The following FAM178B variants were observed in gnomAD, a reference collection of about 807,000 sequenced individuals.
FAM178B encodes the protein protein FAM178B.
In FAM178B, 82 loss-of-function variants were observed where a neutral mutation model predicts 91.7. The observed-to-expected ratio is 0.89, with a 90% confidence interval of 0.75 to 1.07. FAM178B has a LOEUF of 1.07. FAM178B is among the 50% of genes least tolerant of loss of function. FAM178B has a pLI of 0.00. For missense variants in FAM178B, 769 were observed against 846.7 expected (o/e 0.91, Z 1.14); for synonymous variants, 368 against 359.4 (o/e 1.02, Z -0.27).
In FAM178B at chr2:96,951,391, CTG is replaced by C; in HGVS notation, c.979_980del (p.Gln327ValfsTer33). ...CTGCGGTCCTCACCTGGAACAGCCA[CTG>C]GAGCAGGGATACCGGGCAGTCAGGC... ...HMPDCPVSLL[Q>X]WLFQLLTWPP... On this transcript the variant is annotated frameshift_variant, in exon 7 of 17. Coordinates refer to ENST00000490605, the MANE Select transcript of FAM178B (RefSeq NM_001122646.3). LOFTEE classifies it high-confidence loss of function. 1 of 1,551,218 alleles carries C rather than the reference CTG, an allele frequency of 6.4e-7. No individual in the cohort carries two copies. Among genetic ancestry groups the C allele is most frequent in the Non-Finnish European group, 8.7e-7 (1 of 1,146,656 alleles).
chr2:96,964,533 T>C lies in FAM178B; in HGVS notation c.734+2987A>G, dbSNP rs562305685. On this transcript the variant is annotated intron_variant, in intron 5 of 16. Coordinates refer to ENST00000490605, the MANE Select transcript of FAM178B (RefSeq NM_001122646.3). ...ACACAGCTGGGGCCACCTCCTCCCC[T>C]GCAGCCCAATGCACATGTTCTTCAA... 5.0e-4 allele frequency among the ~76,000 whole-genome samples: 76 copies of C among 152,302 alleles called. 1 individual carries two copies. The highest frequency in any genetic ancestry group is 4.3e-3 in the Admixed American group (66 of 15,294).
intron 13 of FAM178B, among the ~76,000 whole-genome samples, chr2:96,900,495 AG>A (rs1357118292): frequency 6.6e-6 from 1 of 152,108 alleles, no homozygotes; most frequent in Non-Finnish European, 1.5e-5. Context: ...CCTGTTCTTC[AG>A]GGGCTTATTT....
At chr2:96,888,643 A>T (rs952323911) in intron 14 of FAM178B, among the ~76,000 whole-genome samples, 4 of 152,254 alleles carry the variant, frequency 2.6e-5, no homozygotes, top group Non-Finnish European at 5.9e-5. Context: ...AGGGACAGAC[A>T]ACTGCAGTTA....
At chr2:96,963,243 G>A (rs2082105182) in intron 5 of FAM178B, among the ~76,000 whole-genome samples, 1 of 152,194 alleles carries the variant, frequency 6.6e-6, no homozygotes, top group African/African-American at 2.4e-5. Context: ...TTGCTGCAGA[G>A]ATTTTTAAAA....
At chr2:96,965,048 G>A (rs1003421819) in intron 5 of FAM178B, among the ~76,000 whole-genome samples, 3 of 152,146 alleles carry the variant, frequency 2.0e-5, no homozygotes, top group Admixed American at 2.0e-4. Context: ...CGCCCAGGCT[G>A]GAGTGAGGTG....
intron 13 of FAM178B, chr2:96,895,134 G>A (rs1357224303): frequency 3.1e-6 from 4 of 1,286,862 alleles, no homozygotes; most frequent in African/African-American, 3.0e-5. Flanking sequence ...TCCCCTTCCC[G>A]CTCTTTTCCT....
intron 12 of FAM178B, among the ~76,000 whole-genome samples, chr2:96,913,681 G>C (rs1345724208): frequency 6.6e-6 from 1 of 152,216 alleles, no homozygotes; most frequent in East Asian, 1.9e-4. Flanking sequence ...CACAGAACCT[G>C]CTTGGCTGGC....
intron 14 of FAM178B, among the ~76,000 whole-genome samples, chr2:96,881,847 A>G (rs2080393414): frequency 6.6e-6 from 1 of 152,090 alleles, no homozygotes; most frequent in Admixed American, 6.5e-5. Flanking sequence ...ACATTTTATA[A>G]GTTGTTTTTC....
Position 96,918,855 on chromosome 2 carries a change from C to T in FAM178B, c.1562+2310G>A, listed in dbSNP as rs74565621. 5.7e-3 allele frequency among the ~76,000 whole-genome samples: 866 copies of T among 152,260 alleles called. 12 individuals carry two copies. Among genetic ancestry groups the T allele is most frequent in the African/African-American group, 0.02 (829 of 41,544 alleles). On this transcript the variant is annotated intron_variant, in intron 12 of 16. Transcript: ENST00000490605. ...AACCGGTTTATGTTATCTATAGATT[C>T]CAGACATTACACGGGACAGCACTGT...
At chr2:96,971,735 C>T (rs2082221006) in intron 3 of FAM178B, among the ~76,000 whole-genome samples, 166 bp downstream of exon 3, 1 of 152,226 alleles carries the variant, frequency 6.6e-6, no homozygotes, top group Non-Finnish European at 1.5e-5. Context: ...GGGGCCTGCG[C>T]TTCCAGCCAT....
intron 12 of FAM178B, among the ~76,000 whole-genome samples, chr2:96,915,085 A>G (rs886437535): frequency 4.0e-5 from 6 of 151,590 alleles, no homozygotes; most frequent in African/African-American, 1.5e-4. Context: ...CAACGTTTGT[A>G]TATGTCTTGA....
chr2:96,937,296 A>G (rs1288670210), intron 8 of FAM178B, among the ~76,000 whole-genome samples: 6 of 152,190 alleles, frequency 3.9e-5, no homozygotes, highest in African/African-American at 1.2e-4. Flanking sequence ...GGTGTGGACT[A>G]GGCTTTGGAA....
chr2:96,894,889 C>A (rs1227134557), intron 13 of FAM178B, among the ~76,000 whole-genome samples: 10 of 131,006 alleles, frequency 7.6e-5, no homozygotes, highest in African/African-American at 2.6e-4. Flanking sequence ...GTCATCCCCC[C>A]CACAGACCCT....
intron 8 of FAM178B, among the ~76,000 whole-genome samples, chr2:96,943,778 C>G (rs1034621595): frequency 6.6e-6 from 1 of 152,170 alleles, no homozygotes; most frequent in Admixed American, 6.5e-5. Context: ...TCTTCCACCT[C>G]GTCTTTGTTC....
chr2:96,910,757 T>C (rs2081139517), intron 12 of FAM178B, among the ~76,000 whole-genome samples: 1 of 152,052 alleles, frequency 6.6e-6, no homozygotes, highest in Non-Finnish European at 1.5e-5. Flanking sequence ...AAAGCTTCAG[T>C]GCAAGATCTC....
intron 12 of FAM178B, among the ~76,000 whole-genome samples, chr2:96,906,196 TTTTC>T (rs1322627805): frequency 1.2e-4 from 18 of 147,274 alleles, no homozygotes; most frequent in Non-Finnish European, 2.7e-4. Flanking sequence ...TACTTTTTCT[TTTTC>T]TTTCTTTTTT....
intron 12 of FAM178B, among the ~76,000 whole-genome samples, chr2:96,908,091 G>C (rs1205894264): frequency 1.3e-5 from 2 of 152,222 alleles, no homozygotes; most frequent in Non-Finnish European, 2.9e-5. Context: ...TTGCGCACTT[G>C]CCAGGTGGGA....
chr2:96,927,316 C>T (rs1442837974), intron 9 of FAM178B, among the ~76,000 whole-genome samples: 1 of 152,126 alleles, frequency 6.6e-6, no homozygotes, highest in Non-Finnish European at 1.5e-5. Flanking sequence ...ACCGGTGGTC[C>T]CCAGCCTGCT....
At position 96,933,100 on chromosome 2, in the gene FAM178B, G is replaced by A. The variant is rs998536587; in HGVS notation, c.1079-3780C>T. 6.6e-5 allele frequency among the ~76,000 whole-genome samples: 10 copies of A among 151,854 alleles called. No homozygotes were observed. The East Asian group carries it at 7.8e-4, about 12-fold the overall frequency. ...TCTACTAAAAATACAAAAATTAGCC[G>A]GGCGTGGTAGTGCACGCCTGTAATC... On this transcript the variant is annotated intron_variant, in intron 8 of 16. Coordinates refer to ENST00000490605, the MANE Select transcript of FAM178B (RefSeq NM_001122646.3).
Sources: gnomAD v4.1 joint callset for allele counts (sites outside exome capture counted in the v4.1 genomes callset) on GRCh38, gnomAD v4.1.1 for gene constraint, MANE v1.5 for transcripts, NCBI Gene and HGNC (gene_info 2026-07-23, HGNC 2026-07-21) for gene names.